PLA2G7: variants seen among roughly 807,000 people sequenced by gnomAD.
PLA2G7 encodes phospholipase A2 group VII, also known as platelet-activating factor acetylhydrolase.
PLA2G7 carries 63 observed loss-of-function variants against 49.6 expected under a neutral mutation model. The ratio of observed to expected loss-of-function variants is 1.27; its 90% CI spans 1.04 to 1.57. The LOEUF (loss-of-function observed/expected upper bound fraction) is 1.57. PLA2G7 is among the 40% of genes most tolerant of loss of function. The pLI, the probability that PLA2G7 is intolerant of heterozygous loss-of-function variation, is 0.00. For synonymous variants in PLA2G7, 193 were observed against 169.9 expected, an observed-to-expected ratio of 1.14 and a Z score of -1.06; for missense variants, 596 against 521.2, an observed-to-expected ratio of 1.14 and a Z score of -1.40.
At chr6:46,711,653 C>T (rs200245417) in intron 6 of PLA2G7, 34 bp from the exon 7 acceptor site, 1 of 1,609,538 alleles carries the variant, frequency 6.2e-7, no homozygotes. Context: ...TTTATGCATG[C>T]TCCTTCCCTT....
chr6:46,730,530 C>T (rs1765706018), intron 1 of PLA2G7, among the ~76,000 whole-genome samples: 1 of 152,134 alleles, frequency 6.6e-6, no homozygotes, highest in African/African-American at 2.4e-5. Flanking sequence ...CAAACAGGTT[C>T]ATGCAATAGA....
At chr6:46,720,509 C>T (rs1321264130) in intron 2 of PLA2G7, among the ~76,000 whole-genome samples, 4 of 152,206 alleles carry the variant, frequency 2.6e-5, no homozygotes, top group African/African-American at 9.6e-5. Flanking sequence ...GGGTCCTATG[C>T]ACCAGTGCCA....
In PLA2G7 at chr6:46,711,596, TA is replaced by T; in HGVS notation, c.562del (p.Tyr188ThrfsTer11). ...EHRDRSASAT[Y>X]YFKDQSAAEI... is the part of the protein sequence containing the mutation. ...TGCAGCAGATTGGTCCTTGAAATAG[TA>T]AGTTGCAGATGCAGATCTATCTCTA... On this transcript the variant is annotated frameshift_variant, in exon 7 of 12. Transcript: ENST00000274793. LOFTEE classifies it high-confidence loss of function. 6.2e-7 allele frequency: 1 copy of T among 1,613,620 alleles called. No homozygotes were observed. The highest frequency in any genetic ancestry group is 8.5e-7 in the Non-Finnish European group (1 of 1,179,546).
In PLA2G7 at chr6:46,734,819, C is replaced by T. The variant is rs1204107176; in HGVS notation, c.-35+361G>A. On this transcript the variant is annotated intron_variant, in intron 1 of 11. Transcript: ENST00000274793. ...GCCTGGCGACAAAATGAGACTCCGC[C>T]TCAAAAGAAAGAAAGAAGGAACGAA... 2.0e-5 allele frequency among the ~76,000 whole-genome samples: 3 copies of T among 149,594 alleles called. No individual in the cohort carries two copies. The East Asian group carries it at 6.2e-4, about 31-fold the overall frequency.
intron 1 of PLA2G7, among the ~76,000 whole-genome samples, chr6:46,729,959 C>A (rs1765686926): frequency 6.6e-6 from 1 of 152,194 alleles, no homozygotes; most frequent in Non-Finnish European, 1.5e-5. Context: ...AATTTAAAAA[C>A]ACAATGGATA....
chr6:46,731,114 C>T (rs1336725132), intron 1 of PLA2G7, among the ~76,000 whole-genome samples: 1 of 152,198 alleles, frequency 6.6e-6, no homozygotes, highest in Non-Finnish European at 1.5e-5. Flanking sequence ...GTAACTTGCA[C>T]ATCAGAGTGA....
At chr6:46,716,642 G>T in intron 3 of PLA2G7, 114 bp from the exon 4 acceptor site, 1 of 1,080,428 alleles carries the variant, frequency 9.3e-7, no homozygotes, top group Non-Finnish European at 1.4e-6. Context: ...TTCACAAAAA[G>T]GTCTAAAGAA....
In PLA2G7 at chr6:46,710,590, T is replaced by G; in HGVS notation, c.732A>C (p.Pro244=). The G allele has an allele frequency of 6.2e-7, 1 of 1,613,454 alleles. No homozygotes were observed. The highest frequency in any genetic ancestry group is 8.5e-7 in the Non-Finnish European group (1 of 1,179,440). ...SLILDIDHGK[P]VKNALDLKFD... is the part of the protein sequence containing the mutation. ...ACTTTAAATCTAATGCATTCTTCAC[T>G]GGCTTTCCATGATCAATGTCAAGAA... Residue 244 remains proline (P), a synonymous_variant, in exon 8 of 12, where the codon CCA becomes CCC. Coordinates refer to ENST00000274793, the MANE Select transcript of PLA2G7 (RefSeq NM_005084.4).
At chr6:46,717,229 G>T in intron 2 of PLA2G7, 133 bp from the exon 3 acceptor site, 2 of 807,074 alleles carry the variant, frequency 2.5e-6, no homozygotes, top group Non-Finnish European at 4.3e-6. Context: ...TAACAAGTAA[G>T]ATATGCAATT....
At chr6:46,720,715 A>G (rs1765368348) in intron 2 of PLA2G7, among the ~76,000 whole-genome samples, 1 of 152,196 alleles carries the variant, frequency 6.6e-6, no homozygotes, top group Admixed American at 6.5e-5. Context: ...AGTTTTCTTC[A>G]ACTTTATTTT....
rs941254201 is a variant in PLA2G7, at chr6:46,708,302, A to G, written c.870-141T>C. ...TATCTCATTGGAATAAAGAGGTATC[A>G]TACTTCAATGTGGGAAAGGGATATG... is the stretch of plus-strand genomic sequence containing the variant. On this transcript the variant is annotated intron_variant, in intron 9 of 11. Transcript: ENST00000274793. The G allele has an allele frequency of 4.0e-5, 29 of 723,894 alleles. No homozygotes were observed. In the African/African-American group the frequency reaches 4.1e-4, roughly 10 times the overall value. The allele number at this position is 723,894 out of a possible 1,614,324, so 44.8% of individuals were successfully genotyped here. A position where few individuals can be genotyped will look rare whatever the true frequency, so the allele number is the denominator to read the frequency against.
chr6:46,730,178 T>A (rs1046326392), intron 1 of PLA2G7, among the ~76,000 whole-genome samples: 3 of 152,146 alleles, frequency 2.0e-5, no homozygotes, highest in African/African-American at 7.2e-5. Flanking sequence ...AGGCAGCAAG[T>A]CACATGAGGA....
chr6:46,715,717 G>A (rs893532124), intron 4 of PLA2G7, among the ~76,000 whole-genome samples: 2 of 152,134 alleles, frequency 1.3e-5, no homozygotes, highest in African/African-American at 4.8e-5. Flanking sequence ...TGTTATAAGT[G>A]GTTTTTAAGA....
intron 9 of PLA2G7, among the ~76,000 whole-genome samples, chr6:46,708,424 CT>C (rs1392416358): frequency 6.6e-6 from 1 of 152,144 alleles, no homozygotes; most frequent in African/African-American, 2.4e-5. Flanking sequence ...ATCCTTAAAA[CT>C]TTTTATTCAA....
intron 5 of PLA2G7, among the ~76,000 whole-genome samples, chr6:46,713,242 G>A (rs1052889688): frequency 6.6e-6 from 1 of 152,132 alleles, no homozygotes; most frequent in African/African-American, 2.4e-5. Context: ...AGAATAAAAA[G>A]GAGGTAGCTA....
rs903264064 is a variant in PLA2G7 at position 46,723,334 on chromosome 6, T to A, written c.-34-409A>T. Among the ~76,000 whole-genome samples the A allele has an allele frequency of 3.3e-5, 5 of 152,218 alleles. No homozygotes were observed. In the East Asian group the frequency reaches 9.6e-4, roughly 29 times the overall value. On this transcript the variant is annotated intron_variant, in intron 1 of 11. Transcript: ENST00000274793. ...AATTCATAAATTTTGGCTATTTCCA[T>A]CATTTAATTATATAGTGACTATATT...
chr6:46,704,731 C>CT, intron 11 of PLA2G7, 35 bp from the exon 12 acceptor site: 5 of 1,362,200 alleles, frequency 3.7e-6, no homozygotes, highest in Non-Finnish European at 5.3e-6. Context: ...ACATATTAAA[C>CT]TTTTGAGAGC....
chr6:46,728,388 C>A (rs568620087), intron 1 of PLA2G7, among the ~76,000 whole-genome samples: 7 of 152,152 alleles, frequency 4.6e-5, no homozygotes, highest in Admixed American at 4.6e-4. Context: ...GACAGCCCTA[C>A]AACATAGAGG....
intron 5 of PLA2G7, among the ~76,000 whole-genome samples, chr6:46,712,866 A>G (rs1340498265): frequency 2.6e-5 from 4 of 152,218 alleles, no homozygotes; most frequent in East Asian, 1.9e-4. Context: ...AAAGCAGTAC[A>G]GTATTGTAGT....
Sources: allele counts gnomAD v4.1 joint callset (sites outside exome capture counted in the v4.1 genomes callset), GRCh38; gene constraint gnomAD v4.1.1; transcripts MANE v1.5; gene names NCBI Gene and HGNC (gene_info 2026-07-23, HGNC 2026-07-21).